Variants in BPIFC observed in about 807,000 individuals in gnomAD.
BPIFC encodes BPI fold-containing family C protein.
Under a neutral mutation model 57.6 loss-of-function variants are expected in BPIFC, and 60 were observed. That is an observed-to-expected ratio of 1.04 (90% CI 0.85 to 1.29). The LOEUF (loss-of-function observed/expected upper bound fraction) is 1.29. Ranked by LOEUF, BPIFC falls within the 50% of genes most tolerant of loss-of-function variation. BPIFC has a pLI of 0.00. For missense variants in BPIFC, 581 were observed against 600.5 expected (o/e 0.97, Z 0.34); for synonymous variants, 243 against 224.5 (o/e 1.08, Z -0.74).
At chr22:32,437,414 A>T (rs190948213) in intron 9 of BPIFC, among the ~76,000 whole-genome samples, 1 of 152,204 alleles carries the variant, frequency 6.6e-6, no homozygotes, top group African/African-American at 2.4e-5. Context: ...TTTTTGAGAT[A>T]GAGTCTTGCT....
At chr22:32,462,343 A>T (rs944823137) in intron 1 of BPIFC, among the ~76,000 whole-genome samples, 8 of 152,092 alleles carry the variant, frequency 5.3e-5, no homozygotes, top group Non-Finnish European at 1.2e-4. Context: ...GGTAAGACCC[A>T]AATTAATATG....
intron 8 of BPIFC, among the ~76,000 whole-genome samples, chr22:32,441,354 C>G (rs1467721937): frequency 6.6e-6 from 1 of 152,172 alleles, no homozygotes; most frequent in South Asian, 2.1e-4. Flanking sequence ...ACTGCCATAA[C>G]TTAGATTTTA....
At chr22:32,426,958 A>G (rs1934086825) in intron 13 of BPIFC, among the ~76,000 whole-genome samples, 1 of 152,100 alleles carries the variant, frequency 6.6e-6, no homozygotes, top group Non-Finnish European at 1.5e-5. Flanking sequence ...CTGCATTTTC[A>G]TTTTGCAGTG....
chr22:32,463,632 G>A (rs7292178), intron 1 of BPIFC, among the ~76,000 whole-genome samples: 18,247 of 152,128 alleles, frequency 0.12, 1,613 homozygotes, highest in East Asian at 0.39. Context: ...AAACAGAGGC[G>A]CAGGTTGAAA....
chr22:32,422,399 C>A (rs1296985661), intron 13 of BPIFC, among the ~76,000 whole-genome samples: 1 of 152,106 alleles, frequency 6.6e-6, no homozygotes, highest in Admixed American at 6.6e-5. Context: ...TACAGACTTG[C>A]TGCAGAGACT....
In BPIFC at chr22:32,464,358, TG is replaced by T; in HGVS notation, c.-89+15del. On this transcript the variant is annotated intron_variant, in intron 1 of 16. Coordinates refer to ENST00000300399, the MANE Select transcript of BPIFC (RefSeq NM_174932.3). ...TCATGGCTGGCAGAGACCTGAAGTT[TG>T]TTCATGAGTCTTACCTCAAGCAGAG... 1 of 984,550 alleles carries T rather than the reference TG, an allele frequency of 1.0e-6. No homozygotes were observed. The highest frequency in any genetic ancestry group is 1.2e-6 in the Non-Finnish European group (1 of 829,232). 61.0% of individuals were successfully genotyped at this position (984,550 alleles called of 1,614,324 possible).
intron 11 of BPIFC, among the ~76,000 whole-genome samples, chr22:32,433,039 C>CA: frequency 6.6e-6 from 1 of 152,070 alleles, no homozygotes; most frequent in South Asian, 2.1e-4. Flanking sequence ...CCTGCCTCTA[C>CA]AAAAAATAGA....
chr22:32,432,266 A>G, intron 12 of BPIFC, 107 bp downstream of exon 12: 2 of 1,231,712 alleles, frequency 1.6e-6, no homozygotes, highest in Non-Finnish European at 2.3e-6. Flanking sequence ...CTCTTAATCA[A>G]TGTAGCATCC....
chr22:32,430,274 A>T (rs1356485251), intron 13 of BPIFC, among the ~76,000 whole-genome samples: 2 of 152,208 alleles, frequency 1.3e-5, no homozygotes, highest in Admixed American at 6.5e-5. Flanking sequence ...CTGAGGCTCA[A>T]GGAGGTTAAC....
At chr22:32,419,499 A>G in intron 13 of BPIFC, 95 bp from the exon 14 acceptor site, 1 of 1,258,948 alleles carries the variant, frequency 7.9e-7, no homozygotes, top group Non-Finnish European at 1.1e-6. Context: ...TTCAAAAGTC[A>G]CTATTTAAAA....
At chr22:32,461,221 C>G (rs9621458) in intron 2 of BPIFC, among the ~76,000 whole-genome samples, 1 of 152,170 alleles carries the variant, frequency 6.6e-6, no homozygotes, top group South Asian at 2.1e-4. Context: ...TATTTTACCA[C>G]TGATATGGCC....
intron 5 of BPIFC, 130 bp from the exon 6 acceptor site, chr22:32,446,126 G>A: frequency 9.5e-7 from 1 of 1,057,148 alleles, no homozygotes; most frequent in Admixed American, 2.5e-5. Flanking sequence ...TGACTTCCTT[G>A]CACCTACAAC....
intron 1 of BPIFC, among the ~76,000 whole-genome samples, chr22:32,462,183 A>T (rs1330620255): frequency 7.0e-4 from 103 of 147,030 alleles, no homozygotes; most frequent in African/African-American, 2.6e-3. Flanking sequence ...AAAAAAAAAA[A>T]AAAAAAAGAA....
At chr22:32,424,197 G>A (rs1054922672) in intron 13 of BPIFC, among the ~76,000 whole-genome samples, 7 of 152,088 alleles carry the variant, frequency 4.6e-5, no homozygotes, top group East Asian at 1.9e-4. Flanking sequence ...GATACTTAAC[G>A]AGGTTAAGTA....
chr22:32,435,768 A>C lies in BPIFC; in HGVS notation c.860T>G (p.Phe287Cys). ...GAAATGAGCAAAGGACGCAGATTTA[A>C]AGAAATACTCGGCGATTCCAATGTA... ...MLYIGIAEYF[F>C]KSASFAHFTA... Residue 287 changes from phenylalanine (F) to cysteine (C), a missense_variant, in exon 10 of 17, where the codon TTT becomes TGT. Transcript: ENST00000300399. The C allele has an allele frequency of 6.2e-7, 1 of 1,614,208 alleles. No homozygotes were observed. Among genetic ancestry groups the C allele is most frequent in the East Asian group, 2.2e-5 (1 of 44,880 alleles).
At chr22:32,457,779 T>G (rs535859447) in intron 2 of BPIFC, among the ~76,000 whole-genome samples, 139 of 152,276 alleles carry the variant, frequency 9.1e-4, no homozygotes, top group African/African-American at 3.3e-3. Flanking sequence ...CTGTGAAAAC[T>G]TCCCTCACCA....
At chr22:32,464,202 T>A (rs1395620302) in intron 1 of BPIFC, among the ~76,000 whole-genome samples, 172 bp downstream of exon 1, 2 of 152,184 alleles carry the variant, frequency 1.3e-5, no homozygotes, top group South Asian at 4.1e-4. Flanking sequence ...CAGGTGCGCA[T>A]ATGTGACATC....
At chr22:32,446,745 C>A in intron 5 of BPIFC, 1 of 985,368 alleles carries the variant, frequency 1.0e-6, no homozygotes, top group Non-Finnish European at 1.2e-6. Context: ...AATCTGATTT[C>A]CTCCTTCTAC....
At chr22:32,436,346 A>G (rs1011104850) in intron 9 of BPIFC, among the ~76,000 whole-genome samples, 39 of 92,758 alleles carry the variant, frequency 4.2e-4, no homozygotes, top group Admixed American at 9.2e-4. Flanking sequence ...AAGAAGAGGA[A>G]GAGGAGGAGG....
Sources: gnomAD v4.1 joint callset for allele counts (sites outside exome capture counted in the v4.1 genomes callset) on GRCh38, gnomAD v4.1.1 for gene constraint, MANE v1.5 for transcripts, NCBI Gene and HGNC (gene_info 2026-07-23, HGNC 2026-07-21) for gene names.